Variants in GPHN observed in about 807,000 individuals in gnomAD.
The protein encoded by GPHN is gephyrin.
In GPHN, 17 loss-of-function variants were observed where a neutral mutation model predicts 95.5. That is an observed-to-expected ratio of 0.18 (90% CI 0.12 to 0.27). The LOEUF is 0.27. Among genes scored for constraint, GPHN ranks in the 10% least tolerant of loss-of-function variants. The pLI, the probability that GPHN is intolerant of heterozygous loss-of-function variation, is 1.00. For missense variants in GPHN, 660 were observed against 978.1 expected (o/e 0.67, Z 4.34); for synonymous variants, 320 against 322.5 (o/e 0.99, Z 0.08).
intron 1 of GPHN, among the ~76,000 whole-genome samples, chr14:66,550,252 C>T (rs1016040313): frequency 1.3e-5 from 2 of 152,142 alleles, no homozygotes; most frequent in Admixed American, 6.6e-5. Flanking sequence ...ATGATTCATG[C>T]GAGGAGGTCA....
the GPHN span, chr14:67,473,541 G>A: frequency 6.2e-7 from 1 of 1,614,050 alleles, no homozygotes; most frequent in Non-Finnish European, 8.5e-7. This position sits in a 1 kb window ranked among gnomAD's most constrained non-coding sequence, Gnocchi z 6.5. Flanking sequence ...CATGATGAGG[G>A]CCCCGCAGAA....
chr14:67,428,483 T>C, the GPHN span, among the ~76,000 whole-genome samples: 1 of 152,208 alleles, frequency 6.6e-6, no homozygotes, highest in Admixed American at 6.5e-5. Flanking sequence ...ACTCTTACCA[T>C]TGCATTACCT....
At chr14:66,703,823 A>G (rs1015690690) in intron 2 of GPHN, among the ~76,000 whole-genome samples, 1 of 152,300 alleles carries the variant, frequency 6.6e-6, no homozygotes, top group Admixed American at 6.5e-5. Flanking sequence ...AAATGCCCCA[A>G]TTAAAAACAC....
At chr14:67,319,610 T>TA in the GPHN span, among the ~76,000 whole-genome samples, 5,231 of 128,580 alleles carry the variant, frequency 0.041, 136 homozygotes, top group African/African-American at 0.068. Flanking sequence ...GCTGATGAGC[T>TA]AAAAAAAAAA....
the GPHN span, chr14:67,578,569 C>T: frequency 1.9e-6 from 3 of 1,612,152 alleles, no homozygotes; most frequent in Non-Finnish European, 2.5e-6. The surrounding 1 kb of genome is among the most constrained non-coding windows in gnomAD (Gnocchi z 5.0). Flanking sequence ...CTCCACTTTT[C>T]CTGCCTCAGC....
chr14:66,760,575 C>G lies in GPHN; in HGVS notation c.144-15889C>G. On this transcript the variant is annotated intron_variant, in intron 2 of 22. Coordinates refer to ENST00000478722, the MANE Select transcript of GPHN (RefSeq NM_020806.5). Reference sequence around the variant, plus strand: ...TATTTCTGTTCAGGGCCCATCTACCCTGGCCACAGCATGATGTTCATCCAC... The same window carrying G: ...TATTTCTGTTCAGGGCCCATCTACCGTGGCCACAGCATGATGTTCATCCAC... 2 of 370,624 alleles carry G rather than the reference C, an allele frequency of 5.4e-6. 1 individual carries two copies. The highest frequency in any genetic ancestry group is 4.9e-5 in the South Asian group (2 of 41,000). 23.0% of individuals were successfully genotyped at this position (370,624 alleles called of 1,614,324 possible). A position where few individuals can be genotyped will look rare whatever the true frequency, so the allele number is the denominator to read the frequency against.
intron 2 of GPHN, among the ~76,000 whole-genome samples, chr14:66,739,295 C>T (rs1363810939): frequency 6.7e-6 from 1 of 149,732 alleles, no homozygotes; most frequent in Admixed American, 6.7e-5. Context: ...CGGCGTACTG[C>T]AAGCTCTGCC....
At chr14:67,147,121 C>T (rs2080944711) in intron 18 of GPHN, among the ~76,000 whole-genome samples, 1 of 152,188 alleles carries the variant, frequency 6.6e-6, no homozygotes, top group Non-Finnish European at 1.5e-5. Context: ...TATCCTACAT[C>T]ATTCTTGTTC....
At chr14:67,283,693 TAGTC>T in the GPHN span, among the ~76,000 whole-genome samples, 1,831 of 152,342 alleles carry the variant, frequency 0.012, 19 homozygotes, top group Non-Finnish European at 0.018. Context: ...TTCTGTGATT[TAGTC>T]AGGTTGCTAA....
the GPHN span, among the ~76,000 whole-genome samples, chr14:67,638,007 C>T: frequency 4.6e-5 from 7 of 152,224 alleles, no homozygotes; most frequent in African/African-American, 1.7e-4. Context: ...CTGGGGAGAC[C>T]TAGACTTAGC....
chr14:66,765,279 A>G (rs2058921831), intron 2 of GPHN, among the ~76,000 whole-genome samples: 1 of 151,314 alleles, frequency 6.6e-6, no homozygotes, highest in Non-Finnish European at 1.5e-5. Flanking sequence ...AGAAAAAAAC[A>G]GAATTACCAT....
At chr14:67,392,430 A>G in the GPHN span, 1 of 1,599,358 alleles carries the variant, frequency 6.3e-7, no homozygotes, top group Non-Finnish European at 8.6e-7. Context: ...CTCTCAGCCT[A>G]GGGGGAAGGA....
the GPHN span, chr14:67,254,396 A>G: frequency 6.6e-6 from 1 of 152,036 alleles, no homozygotes; most frequent in African/African-American, 2.4e-5. Flanking sequence ...TCTTGTTTAT[A>G]AGAATATCCT....
chr14:67,568,604 A>G, the GPHN span, among the ~76,000 whole-genome samples: 1 of 152,148 alleles, frequency 6.6e-6, no homozygotes, highest in Non-Finnish European at 1.5e-5. Context: ...TTAAAAAACA[A>G]ACAAATTATT....
chr14:67,366,658 A>G, the GPHN span, among the ~76,000 whole-genome samples: 1 of 152,220 alleles, frequency 6.6e-6, no homozygotes, highest in Admixed American at 6.5e-5. Context: ...AGCAAAGTGC[A>G]AAAGAGCCTG....
intron 11 of GPHN, among the ~76,000 whole-genome samples, chr14:67,070,715 A>AAAAAAAAAAAATAT: frequency 1.2e-5 from 1 of 80,700 alleles, no homozygotes; most frequent in Non-Finnish European, 1.9e-5. Flanking sequence ...AAAAAAAAAA[A>AAAAAAAAAAAATAT]ATATATATAT....
intron 2 of GPHN, among the ~76,000 whole-genome samples, chr14:66,690,960 A>T (rs968742218): frequency 3.9e-5 from 6 of 152,168 alleles, no homozygotes; most frequent in Admixed American, 6.5e-5. Context: ...GGTCTGTATT[A>T]TTCGAACTCC....
intron 21 of GPHN, among the ~76,000 whole-genome samples, chr14:67,172,476 C>G (rs1008683170): frequency 1.3e-5 from 2 of 152,100 alleles, no homozygotes; most frequent in African/African-American, 4.8e-5. Flanking sequence ...AGAAAAAGTG[C>G]CAGAGCCACC....
chr14:66,588,130 G>C (rs2061497079), intron 1 of GPHN, among the ~76,000 whole-genome samples: 1 of 152,142 alleles, frequency 6.6e-6, no homozygotes, highest in African/African-American at 2.4e-5. Context: ...AACTAGAGCA[G>C]ACCTTCAGCA....
Sources: allele counts gnomAD v4.1 joint callset (sites outside exome capture counted in the v4.1 genomes callset), GRCh38; gene constraint gnomAD v4.1.1; non-coding constraint Gnocchi (gnomAD v3.1); transcripts MANE v1.5; gene names NCBI Gene and HGNC (gene_info 2026-07-23, HGNC 2026-07-21).